Variants in CSMD1 observed in about 807,000 individuals in gnomAD.
The protein encoded by CSMD1 is CUB and sushi domain-containing protein 1.
Under a neutral mutation model 417.5 loss-of-function variants are expected in CSMD1, and 213 were observed. That is an observed-to-expected ratio of 0.51 (90% CI 0.46 to 0.57). The LOEUF is 0.57. CSMD1 is among the 20% of genes least tolerant of loss of function. The pLI, the probability that CSMD1 is intolerant of heterozygous loss-of-function variation, is 0.00. For missense variants in CSMD1, 6,923 were observed against 4,529.7 expected, an observed-to-expected ratio of 1.53 and a Z score of -15.17; for synonymous variants, 2,862 against 1,736.8, an observed-to-expected ratio of 1.65 and a Z score of -16.11.
At chr8:4,907,110 C>T (rs1375791049) in intron 1 of CSMD1, among the ~76,000 whole-genome samples, 1 of 152,276 alleles carries the variant, frequency 6.6e-6, no homozygotes, top group Non-Finnish European at 1.5e-5. Context: ...AAGATAATTG[C>T]TGCTTTCTGT....
chr8:3,817,255 T>C (rs200979456), intron 5 of CSMD1, among the ~76,000 whole-genome samples: 397 of 12,096 alleles, frequency 0.033, no homozygotes, highest in African/African-American at 0.15. Context: ...TCTTCTTCTT[T>C]TTTTTTTTTT....
intron 12 of CSMD1, among the ~76,000 whole-genome samples, chr8:3,415,398 C>T (rs78738424): frequency 0.019 from 2,846 of 152,304 alleles, 56 homozygotes; most frequent in East Asian, 0.096. Flanking sequence ...CGCTCTGTCA[C>T]CCAGGCTGGA....
chr8:4,244,239 A>T (rs1013269301), intron 3 of CSMD1, among the ~76,000 whole-genome samples: 1 of 152,110 alleles, frequency 6.6e-6, no homozygotes, highest in Non-Finnish European at 1.5e-5. Context: ...CTAGGCTTGA[A>T]ACGTTCCACA....
intron 5 of CSMD1, among the ~76,000 whole-genome samples, chr8:3,887,713 A>C (rs748788827): frequency 2.0e-5 from 3 of 152,188 alleles, no homozygotes; most frequent in Non-Finnish European, 4.4e-5. Context: ...TTTGGAAGGA[A>C]ATAGCTTTGA....
At chr8:3,856,279 T>A (rs567396224) in intron 5 of CSMD1, among the ~76,000 whole-genome samples, 2 of 152,142 alleles carry the variant, frequency 1.3e-5, no homozygotes, top group African/African-American at 4.8e-5. Flanking sequence ...AAGACACACC[T>A]GCTTCCGCTT....
intron 5 of CSMD1, among the ~76,000 whole-genome samples, chr8:3,852,645 G>T (rs1803994622): frequency 6.7e-6 from 1 of 149,980 alleles, no homozygotes; most frequent in Admixed American, 6.7e-5. Flanking sequence ...AGTGACCAAG[G>T]GGAAACTGAG....
intron 3 of CSMD1, among the ~76,000 whole-genome samples, chr8:4,169,124 G>C (rs1041212056): frequency 1.4e-4 from 21 of 152,126 alleles, no homozygotes; most frequent in African/African-American, 4.8e-4. Context: ...ATCCCTGTAA[G>C]CTCACTGGTG....
intron 26 of CSMD1, among the ~76,000 whole-genome samples, chr8:3,269,212 TG>T (rs1214679050): frequency 1.3e-5 from 2 of 152,238 alleles, no homozygotes; most frequent in East Asian, 1.9e-4. Flanking sequence ...TGAATGCAGC[TG>T]TCTTTGGGCC....
At chr8:3,792,785 A>T (rs551666865) in intron 5 of CSMD1, among the ~76,000 whole-genome samples, 3 of 152,128 alleles carry the variant, frequency 2.0e-5, no homozygotes, top group Non-Finnish European at 2.9e-5. Flanking sequence ...CTCTCTCACA[A>T]TTTAAGGCAT....
chr8:3,609,760 C>G, intron 8 of CSMD1, among the ~76,000 whole-genome samples: 1 of 146,354 alleles, frequency 6.8e-6, no homozygotes, highest in African/African-American at 2.5e-5. Flanking sequence ...AACCGAATTA[C>G]CTTTCATTAA....
At chr8:4,026,924 CAACAAACAAACAAACA>C (rs61192854) in intron 4 of CSMD1, among the ~76,000 whole-genome samples, 1 of 151,850 alleles carries the variant, frequency 6.6e-6, no homozygotes, top group Non-Finnish European at 1.5e-5. Context: ...ACCAACCAAA[CAACAAACAAACAAACA>C]AACAAACTGA....
At chr8:4,944,119 T>A (rs1808211016) in intron 1 of CSMD1, among the ~76,000 whole-genome samples, 1 of 152,174 alleles carries the variant, frequency 6.6e-6, no homozygotes, top group African/African-American at 2.4e-5. Context: ...CAAGTCTAAA[T>A]TCTGCTGAGT....
At chr8:3,902,051 G>A (rs79137403) in intron 5 of CSMD1, among the ~76,000 whole-genome samples, 2,480 of 152,112 alleles carry the variant, frequency 0.016, 67 homozygotes, top group African/African-American at 0.057. Context: ...CTTTTGCAAT[G>A]ATTTGTACAG....
At chr8:4,115,079 G>T (rs1463093917) in intron 3 of CSMD1, among the ~76,000 whole-genome samples, 1 of 152,174 alleles carries the variant, frequency 6.6e-6, no homozygotes, top group Non-Finnish European at 1.5e-5. Context: ...GCAAAATGCT[G>T]TCAAACGGAA....
intron 1 of CSMD1, among the ~76,000 whole-genome samples, chr8:4,967,791 G>A (rs1349329674): frequency 6.6e-6 from 1 of 152,104 alleles, no homozygotes. Flanking sequence ...AGAACTGTTA[G>A]AATTCACAGG....
intron 5 of CSMD1, among the ~76,000 whole-genome samples, chr8:3,933,936 C>T (rs1320570844): frequency 6.6e-6 from 1 of 152,038 alleles, no homozygotes; most frequent in Non-Finnish European, 1.5e-5. Context: ...CGATGAAAAA[C>T]CAGCCAGGGA....
intron 49 of CSMD1, among the ~76,000 whole-genome samples, 183 bp downstream of exon 49, chr8:3,086,914 A>G (rs1814570637): frequency 1.3e-5 from 2 of 152,234 alleles, no homozygotes; most frequent in Admixed American, 1.3e-4. Flanking sequence ...AATTCAGGCT[A>G]TACAACTACA....
At chr8:4,293,296 G>T (rs949219219) in intron 3 of CSMD1, among the ~76,000 whole-genome samples, 10 of 152,244 alleles carry the variant, frequency 6.6e-5, no homozygotes, top group African/African-American at 2.2e-4. Context: ...ATGAAAATTG[G>T]CCAGCACAAT....
At chr8:3,733,912 G>C (rs560901746) in intron 6 of CSMD1, among the ~76,000 whole-genome samples, 10 of 152,206 alleles carry the variant, frequency 6.6e-5, no homozygotes, top group Non-Finnish European at 1.3e-4. Flanking sequence ...AGTTTATGTA[G>C]GGTTTGGTGT....
Sources: gnomAD v4.1 joint callset for allele counts (sites outside exome capture counted in the v4.1 genomes callset) on GRCh38, gnomAD v4.1.1 for gene constraint, MANE v1.5 for transcripts, NCBI Gene and HGNC (gene_info 2026-07-23, HGNC 2026-07-21) for gene names.